The following METTL25 variants were observed in gnomAD, a reference collection of about 807,000 sequenced individuals.
The protein encoded by METTL25 is methyltransferase like 25.
In METTL25, 64 loss-of-function variants were observed where a neutral mutation model predicts 71.6. The ratio of observed to expected loss-of-function variants is 0.89; its 90% CI spans 0.73 to 1.10. METTL25 has a LOEUF of 1.10. Ranked by LOEUF, METTL25 falls within the 50% of genes least tolerant of loss-of-function variation. The probability of loss-of-function intolerance (pLI) is 0.00; values close to 1 mark genes in which losing one functional copy is unlikely to be tolerated. For missense variants in METTL25, 807 were observed against 707.0 expected (o/e 1.14, Z -1.60); for synonymous variants, 287 against 250.3 (o/e 1.15, Z -1.38).
At chr12:82,371,465 A>G (rs1235815230) in intron 1 of METTL25, among the ~76,000 whole-genome samples, 1 of 152,136 alleles carries the variant, frequency 6.6e-6, no homozygotes. Flanking sequence ...CACACTGATA[A>G]CAAGCCCTAC....
chr12:82,469,133 A>G (rs190340286), intron 9 of METTL25, among the ~76,000 whole-genome samples: 1 of 152,260 alleles, frequency 6.6e-6, no homozygotes. Context: ...GATCGCCACC[A>G]TCACTAAGGG....
intron 5 of METTL25, among the ~76,000 whole-genome samples, chr12:82,427,990 C>T (rs533228978): frequency 3.3e-5 from 5 of 151,980 alleles, no homozygotes; most frequent in Non-Finnish European, 7.4e-5. Flanking sequence ...AAAAGTCTTA[C>T]AGGAACCGAA....
At chr12:82,428,644 A>G (rs1480509844) in intron 5 of METTL25, among the ~76,000 whole-genome samples, 1 of 151,832 alleles carries the variant, frequency 6.6e-6, no homozygotes, top group East Asian at 1.9e-4. Flanking sequence ...TTGTTTGTTA[A>G]TGTACATTTA....
chr12:82,422,889 A>G (rs1185116525), intron 5 of METTL25, among the ~76,000 whole-genome samples: 2 of 152,224 alleles, frequency 1.3e-5, no homozygotes, highest in East Asian at 3.9e-4. Flanking sequence ...GCTCAACAAA[A>G]TAAAAGAGGA....
intron 5 of METTL25, among the ~76,000 whole-genome samples, chr12:82,404,409 T>C: frequency 6.6e-6 from 1 of 152,154 alleles, no homozygotes; most frequent in Non-Finnish European, 1.5e-5. Flanking sequence ...CATATTTACA[T>C]TATATTATAG....
intron 9 of METTL25, among the ~76,000 whole-genome samples, chr12:82,459,711 A>T (rs1289807582): frequency 2.6e-5 from 4 of 152,214 alleles, no homozygotes; most frequent in African/African-American, 9.6e-5. Flanking sequence ...CTGAACACAG[A>T]TGAGGAAAGA....
chr12:82,406,733 A>G (rs944715340), intron 5 of METTL25, among the ~76,000 whole-genome samples: 3 of 152,134 alleles, frequency 2.0e-5, no homozygotes, highest in Non-Finnish European at 2.9e-5. Flanking sequence ...AGTAATTGCT[A>G]TAAGACAGGG....
At chr12:82,389,448 A>G (rs1885366173) in intron 2 of METTL25, among the ~76,000 whole-genome samples, 1 of 151,786 alleles carries the variant, frequency 6.6e-6, no homozygotes, top group Non-Finnish European at 1.5e-5. Context: ...AGTTTGTTTT[A>G]TTTTATTCTT....
At chr12:82,408,841 A>G (rs1023678368) in intron 5 of METTL25, among the ~76,000 whole-genome samples, 1 of 152,122 alleles carries the variant, frequency 6.6e-6, no homozygotes, top group Non-Finnish European at 1.5e-5. Context: ...CAAAGTTAGC[A>G]TATTTCCTGT....
intron 1 of METTL25, chr12:82,369,672 C>T (rs1394559022): frequency 3.0e-5 from 7 of 233,174 alleles, no homozygotes; most frequent in African/African-American, 7.0e-5. Context: ...GGGACCTGAG[C>T]GGGTTGCTGC....
At chr12:82,428,779 T>A (rs77879200) in intron 5 of METTL25, among the ~76,000 whole-genome samples, 4 of 143,432 alleles carry the variant, frequency 2.8e-5, no homozygotes, top group South Asian at 4.5e-4. Context: ...GTGCTCAGTT[T>A]CCCTATCTGG....
chr12:82,405,797 C>T (rs1887040897), intron 5 of METTL25, among the ~76,000 whole-genome samples: 4 of 152,136 alleles, frequency 2.6e-5, no homozygotes, highest in Admixed American at 2.6e-4. Flanking sequence ...TTGAGAGGCA[C>T]CAGATTCCAT....
At chr12:82,372,094 G>A (rs550241179) in intron 1 of METTL25, among the ~76,000 whole-genome samples, 23 of 152,286 alleles carry the variant, frequency 1.5e-4, no homozygotes, top group African/African-American at 5.5e-4. Context: ...TTCATTAAAG[G>A]TCAGGGTTTG....
intron 5 of METTL25, among the ~76,000 whole-genome samples, chr12:82,426,197 G>A (rs756954151): frequency 6.6e-6 from 1 of 152,000 alleles, no homozygotes; most frequent in Non-Finnish European, 1.5e-5. Flanking sequence ...TACATAAAAG[G>A]CTTTGTTTGA....
intron 9 of METTL25, among the ~76,000 whole-genome samples, chr12:82,474,054 G>T (rs555193645): frequency 6.6e-6 from 1 of 152,088 alleles, no homozygotes. Flanking sequence ...TGGGGAGTGC[G>T]CGCATTGTTC....
At chr12:82,454,856 A>G (rs1281144645) in intron 8 of METTL25, among the ~76,000 whole-genome samples, 1 of 151,938 alleles carries the variant, frequency 6.6e-6, no homozygotes, top group African/African-American at 2.4e-5. Flanking sequence ...AATACCAGTA[A>G]TTATAAAAGC....
At chr12:82,447,573 G>A (rs1033263836) in intron 8 of METTL25, among the ~76,000 whole-genome samples, 1 of 151,502 alleles carries the variant, frequency 6.6e-6, no homozygotes, top group African/African-American at 2.4e-5. Context: ...TGGTAAACAA[G>A]CAAGAACAAC....
intron 5 of METTL25, among the ~76,000 whole-genome samples, chr12:82,423,678 A>G (rs1888723675): frequency 6.6e-6 from 1 of 152,178 alleles, no homozygotes; most frequent in African/African-American, 2.4e-5. Flanking sequence ...TCTACAATGA[A>G]CTCAAACAAA....
chr12:82,445,054 A>G (rs1284706885), intron 8 of METTL25, among the ~76,000 whole-genome samples: 3 of 152,168 alleles, frequency 2.0e-5, no homozygotes, highest in Non-Finnish European at 2.9e-5. Flanking sequence ...ACCTAATAGT[A>G]TACCTCCAGG....
Sources: gnomAD v4.1 joint callset for allele counts (sites outside exome capture counted in the v4.1 genomes callset) on GRCh38, gnomAD v4.1.1 for gene constraint, MANE v1.5 for transcripts, NCBI Gene and HGNC (gene_info 2026-07-23, HGNC 2026-07-21) for gene names.